TCF3: variants seen among roughly 807,000 people sequenced by gnomAD.
TCF3 encodes transcription factor E2-alpha.
A neutral mutation model predicts 72.3 loss-of-function variants in TCF3; 54 were observed. That is an observed-to-expected ratio of 0.75 (90% CI 0.60 to 0.94). TCF3 has a LOEUF of 0.94. Ranked by LOEUF, TCF3 falls within the 40% of genes least tolerant of loss-of-function variation. The pLI is 0.00. For missense variants in TCF3, 1,078 were observed against 934.4 expected (o/e 1.15, Z -2.00); for synonymous variants, 525 against 412.6 (o/e 1.27, Z -3.30).
intron 8 of TCF3, 86 bp from the exon 9 acceptor site, chr19:1,622,501 C>T: frequency 2.9e-6 from 2 of 701,624 alleles, no homozygotes; most frequent in South Asian, 4.5e-5. Flanking sequence ...CTGTCCCCTC[C>T]TGGTAGCACA....
At chr19:1,633,935 G>A (rs1428579445) in intron 3 of TCF3, among the ~76,000 whole-genome samples, 2 of 152,164 alleles carry the variant, frequency 1.3e-5, no homozygotes, top group Non-Finnish European at 2.9e-5. Context: ...GGTCCCCTCC[G>A]GCCATAGCCA....
Position 1,627,376 on chromosome 19 carries a change from C to A in TCF3, c.349G>T (p.Val117Leu). ...CCCCTCACCTGAGTCAGGCCGCCCA[C>A]GCCTGCGTCTCTCCCGAAGGAGGCA... ...AYASFGRDAG[V>L]GGLTQAGFLS... Residue 117 changes from valine to leucine, a missense_variant, in exon 6 of 19, where the codon GTG becomes TTG. By Grantham distance (32) the Val-to-Leu change is conservative. Coordinates refer to ENST00000262965, the MANE Select transcript of TCF3 (RefSeq NM_003200.5). 1 of 1,611,050 alleles carries A rather than the reference C, an allele frequency of 6.2e-7. No individual in the cohort carries two copies. Among genetic ancestry groups the A allele is most frequent in the South Asian group, 1.1e-5 (1 of 90,668 alleles).
At chr19:1,646,913 T>C (rs2066198514) in intron 2 of TCF3, among the ~76,000 whole-genome samples, 1 of 152,248 alleles carries the variant, frequency 6.6e-6, no homozygotes, top group African/African-American at 2.4e-5. Flanking sequence ...GTGTGTGCAC[T>C]GGCCCCGCAT....
intron 3 of TCF3, among the ~76,000 whole-genome samples, chr19:1,644,311 G>A (rs888174461): frequency 6.6e-6 from 1 of 152,194 alleles, no homozygotes; most frequent in East Asian, 1.9e-4. Flanking sequence ...CAATGAGGAG[G>A]GTGCCACCAA....
At position 1,614,438 on chromosome 19, in the gene TCF3, C is replaced by T. The variant is rs1005232586; in HGVS notation, c.1822+847G>A. ...AGTGCGAGGTGAGGAGGGGCTGCCA[C>T]GGGAAGCAGAGGGACGGACGGGCGG... On this transcript the variant is annotated intron_variant, in intron 18 of 18. Coordinates refer to ENST00000262965, the MANE Select transcript of TCF3 (RefSeq NM_003200.5). This position sits in a 1 kb window ranked among gnomAD's most constrained non-coding sequence, Gnocchi z 5.6. Among the ~76,000 whole-genome samples, 2 of 152,030 alleles carry T rather than the reference C, an allele frequency of 1.3e-5. No homozygotes were observed. The highest frequency in any genetic ancestry group is 2.4e-5 in the African/African-American group (1 of 41,354).
rs942926764 is a variant in TCF3, at chr19:1,638,471, T to C, written c.146-6066A>G. On this transcript the variant is annotated intron_variant, in intron 3 of 18. Coordinates refer to ENST00000262965, the MANE Select transcript of TCF3 (RefSeq NM_003200.5). ...CTAATTTTTTTGTATTTTTAACAGA[T>C]ACGGCATTTCACCGTGTTAACCAGG... Among the ~76,000 whole-genome samples the C allele has an allele frequency of 3.3e-5, 5 of 152,286 alleles. No individual in the cohort carries two copies. In the East Asian group the frequency reaches 7.7e-4, roughly 23 times the overall value.
chr19:1,618,595 G>T (rs1033651845), intron 16 of TCF3, among the ~76,000 whole-genome samples: 6 of 151,590 alleles, frequency 4.0e-5, no homozygotes, highest in Non-Finnish European at 5.9e-5. Context: ...CCAGCCCCAG[G>T]GCCTTTGCCT....
At chr19:1,646,238 G>T in intron 3 of TCF3, 117 bp downstream of exon 3, 2 of 1,135,292 alleles carry the variant, frequency 1.8e-6, no homozygotes, top group Non-Finnish European at 2.5e-6. Context: ...GGCCTGTGTG[G>T]CCCTTTCCCC....
rs777837375 is a variant in TCF3, at chr19:1,632,384, G to A, written c.167C>T (p.Ser56Leu). ...CTGGTCGCCGCTGCCCCAGGAGCCT[G>A]AGCTGGGCCGGTCCTCAAGACCTGC... ...GGSGLEDRPS[S>L]GSWGSGDQSS... The change falls in exon 4 of 19, where the codon TCA (serine) becomes TTA (leucine). Residue 56 changes from serine to leucine, a missense_variant. Transcript: ENST00000262965. The A allele has an allele frequency of 1.3e-6, 2 of 1,596,424 alleles. No individual in the cohort carries two copies.
At position 1,611,757 on chromosome 19, in the gene TCF3, C is replaced by T; in HGVS notation, c.1915G>A (p.Ala639Thr). The T allele has an allele frequency of 6.2e-7, 1 of 1,613,716 alleles. No individual in the cohort carries two copies. Among genetic ancestry groups the T allele is most frequent in the Non-Finnish European group, 8.5e-7 (1 of 1,179,954 alleles). ...VVGDPQMVLSAPHPGLSEAHN... is the reference protein window; with the variant it reads ...VVGDPQMVLSTPHPGLSEAHN... ...GCTTCGCTCAGGCCTGGGTGGGGAGCTGAAAGCACCATCTGGGGGTCTCCA... is the reference window on the plus strand; with the variant it reads ...GCTTCGCTCAGGCCTGGGTGGGGAGTTGAAAGCACCATCTGGGGGTCTCCA... The change falls in exon 19 of 19, where the codon GCT becomes ACT. Residue 639 changes from alanine (A) to threonine (T), a missense_variant. By Grantham distance (58) the Ala-to-Thr change is moderately conservative. Coordinates refer to ENST00000262965, the MANE Select transcript of TCF3 (RefSeq NM_003200.5).
Position 1,610,051 on chromosome 19 carries a change from G to A in TCF3, c.*1656C>T, listed in dbSNP as rs956158496. On this transcript the variant is annotated 3_prime_UTR_variant, in exon 19 of 19. Transcript: ENST00000262965. ...CGTGTGGAACTGGATGGGATCCCAG[G>A]GTAGGAGACTTGCAGTTTTAAACCC... 1.7e-5 allele frequency: 4 copies of A among 232,706 alleles called. No individual in the cohort carries two copies. The highest frequency in any genetic ancestry group is 6.6e-5 in the African/African-American group (3 of 45,302). 14.4% of individuals were successfully genotyped at this position (232,706 alleles called of 1,614,324 possible).
chr19:1,647,088 G>A (rs985199581), intron 2 of TCF3, among the ~76,000 whole-genome samples: 41 of 152,326 alleles, frequency 2.7e-4, no homozygotes, highest in African/African-American at 9.4e-4. Context: ...GGAAGCTGGA[G>A]GGGCTGGGGA....
intron 2 of TCF3, among the ~76,000 whole-genome samples, chr19:1,648,505 G>A (rs550908328): frequency 4.6e-5 from 7 of 152,164 alleles, no homozygotes; most frequent in African/African-American, 1.7e-4. Context: ...CCCCCCAAAC[G>A]CTGGTCTGTT....
intron 3 of TCF3, among the ~76,000 whole-genome samples, chr19:1,641,609 C>T (rs761861053): frequency 4.6e-5 from 7 of 152,122 alleles, no homozygotes; most frequent in Non-Finnish European, 8.8e-5. Flanking sequence ...CGCACCACCA[C>T]GCCCAGCTAA....
At chr19:1,629,260 G>C (rs1390057121) in intron 5 of TCF3, among the ~76,000 whole-genome samples, 1 of 152,048 alleles carries the variant, frequency 6.6e-6, no homozygotes, top group African/African-American at 2.4e-5. Context: ...CTGTCCCAGG[G>C]GACAGGCCTG....
chr19:1,626,738 CT>C (rs2062931969), intron 6 of TCF3, among the ~76,000 whole-genome samples: 1 of 152,200 alleles, frequency 6.6e-6, no homozygotes, highest in Admixed American at 6.5e-5. Context: ...GCATCTGCCC[CT>C]GGCGCAGAGC....
intron 18 of TCF3, among the ~76,000 whole-genome samples, chr19:1,613,498 TG>T (rs1211637277): frequency 6.6e-6 from 1 of 152,116 alleles, no homozygotes; most frequent in African/African-American, 2.4e-5. Flanking sequence ...CTCCTCTCTT[TG>T]TTCTTCCCTC....
chr19:1,646,463 G>T, intron 2 of TCF3, 36 bp from the exon 3 acceptor site: 3 of 1,536,118 alleles, frequency 2.0e-6, no homozygotes, highest in Non-Finnish European at 1.8e-6. Context: ...AGCGGGGCGG[G>T]TGGCAAACCA....
rs538013937 is a variant in TCF3 at position 1,611,813 on chromosome 19, C to T, written c.1859G>A (p.Arg620Gln). The change falls in exon 19 of 19, where the codon CGG becomes CAG. Residue 620 changes from arginine (R) to glutamine (Q), a missense_variant. Arg to Gln is a conservative substitution (Grantham distance 43, BLOSUM62 1). Coordinates refer to ENST00000262965, the MANE Select transcript of TCF3 (RefSeq NM_003200.5). Reference sequence around the variant, plus strand: ...ACCTGACACCTTTTCCTCTTCTCGCCGTTTCAAACAGGCTGCTTTGGGATT... The same window carrying T: ...ACCTGACACCTTTTCCTCTTCTCGCTGTTTCAAACAGGCTGCTTTGGGATT... ...NLNPKAACLK[R>Q]REEEKVSGVV... 1.2e-5 allele frequency: 19 copies of T among 1,613,446 alleles called. No homozygotes were observed. The highest frequency in any genetic ancestry group is 1.4e-5 in the Non-Finnish European group (17 of 1,179,900).
Sources: gnomAD v4.1 joint callset for allele counts (sites outside exome capture counted in the v4.1 genomes callset) on GRCh38, gnomAD v4.1.1 for gene constraint, Gnocchi (gnomAD v3.1) non-coding constraint, MANE v1.5 for transcripts, NCBI Gene and HGNC (gene_info 2026-07-23, HGNC 2026-07-21) for gene names.